Variants in MEGF11 observed in about 807,000 individuals in gnomAD.
The protein encoded by MEGF11 is multiple EGF like domains 11.
Under a neutral mutation model 146.6 loss-of-function variants are expected in MEGF11, and 126 were observed. The ratio of observed to expected loss-of-function variants is 0.86; its 90% CI spans 0.74 to 1.00. The LOEUF is 1.00. MEGF11 is among the 50% of genes least tolerant of loss of function. MEGF11 has a pLI of 0.00. For missense variants in MEGF11, 1,509 were observed against 1,521.2 expected, an observed-to-expected ratio of 0.99 and a Z score of 0.13; for synonymous variants, 532 against 583.4, an observed-to-expected ratio of 0.91 and a Z score of 1.27.
chr15:65,991,980 G>A (rs999947745), intron 5 of MEGF11, among the ~76,000 whole-genome samples: 2 of 152,220 alleles, frequency 1.3e-5, no homozygotes, highest in African/African-American at 2.4e-5. Context: ...GTCAGAACAC[G>A]GGGTGATGAG....
intron 1 of MEGF11, among the ~76,000 whole-genome samples, chr15:66,249,407 C>A (rs1231402773): frequency 3.3e-5 from 5 of 152,180 alleles, no homozygotes; most frequent in African/African-American, 1.2e-4. Context: ...GTGGATGACA[C>A]CTTTTCAATT....
intron 1 of MEGF11, among the ~76,000 whole-genome samples, chr15:66,129,741 C>G (rs1249815687): frequency 1.3e-5 from 2 of 152,176 alleles, no homozygotes; most frequent in Non-Finnish European, 2.9e-5. Flanking sequence ...TCTGAAAGGT[C>G]AAACACTCTC....
intron 1 of MEGF11, among the ~76,000 whole-genome samples, chr15:66,145,752 T>G (rs566838490): frequency 6.6e-6 from 1 of 152,338 alleles, no homozygotes; most frequent in South Asian, 2.1e-4. Context: ...AAATGTGCTC[T>G]GGAGTCAGAG....
At chr15:66,242,777 A>G (rs1160335528) in intron 1 of MEGF11, among the ~76,000 whole-genome samples, 1 of 152,076 alleles carries the variant, frequency 6.6e-6, no homozygotes, top group Non-Finnish European at 1.5e-5. Context: ...TTCCTTGGAG[A>G]TACTTCAGCC....
rs144879172 is a variant in MEGF11 at position 66,152,278 on chromosome 15, G to A, written c.-8-23867C>T. Among the ~76,000 whole-genome samples, 143 of 152,218 alleles carry A rather than the reference G, an allele frequency of 9.4e-4. 1 individual carries two copies. The highest frequency in any genetic ancestry group is 3.3e-3 in the African/African-American group (135 of 41,536). ...TCAATGCATCCCTAGTGCCCTCAGA[G>A]GGTAGGAAGGGCAAGAAAGAGGGTC... On this transcript the variant is annotated intron_variant, in intron 1 of 25. Coordinates refer to ENST00000395614, the MANE Select transcript of MEGF11 (RefSeq NM_001385028.1).
intron 1 of MEGF11, among the ~76,000 whole-genome samples, chr15:66,153,937 C>T (rs2089657174): frequency 6.6e-6 from 1 of 152,228 alleles, no homozygotes; most frequent in South Asian, 2.1e-4. Flanking sequence ...CCCTCATCCC[C>T]CCACTGGCTG....
At chr15:66,209,382 A>T (rs2091386884) in intron 1 of MEGF11, among the ~76,000 whole-genome samples, 1 of 152,152 alleles carries the variant, frequency 6.6e-6, no homozygotes, top group Admixed American at 6.6e-5. Context: ...TAAACACGCA[A>T]GTACCATATG....
chr15:66,147,841 T>C (rs2089431186), intron 1 of MEGF11, among the ~76,000 whole-genome samples: 1 of 152,102 alleles, frequency 6.6e-6, no homozygotes. Context: ...CTGGCCAGAG[T>C]TGTGTTTTCA....
At chr15:66,205,285 T>G (rs2140106513) in intron 1 of MEGF11, among the ~76,000 whole-genome samples, 1 of 152,042 alleles carries the variant, frequency 6.6e-6, no homozygotes, top group South Asian at 2.1e-4. Flanking sequence ...TATAAAAAAT[T>G]TAAAAACTTA....
intron 16 of MEGF11, 75 bp downstream of exon 16, chr15:65,917,891 G>C: frequency 6.3e-7 from 1 of 1,588,532 alleles, no homozygotes; most frequent in Non-Finnish European, 8.6e-7. Flanking sequence ...CCAGGACAGA[G>C]AGGTTTTGGG....
At position 65,964,898 on chromosome 15, in the gene MEGF11, C is replaced by CA. The variant is rs3840018; in HGVS notation, c.1112+9dup. On this transcript the variant is annotated intron_variant, in intron 9 of 25. Coordinates refer to ENST00000395614, the MANE Select transcript of MEGF11 (RefSeq NM_001385028.1). Reference sequence around the variant, plus strand: ...CCCTTGTCCCGGGCTCGCCCATTCCCAGCTCATACCTGATGGTGTTGTCAG... The same window carrying CA: ...CCCTTGTCCCGGGCTCGCCCATTCCCAAGCTCATACCTGATGGTGTTGTCAG... 1,024,136 of 1,540,422 alleles carry CA rather than the reference C, an allele frequency of 0.66. 343,548 individuals are homozygous for CA. The highest frequency in any genetic ancestry group is 0.72 in the African/African-American group (52,972 of 73,284).
chr15:65,992,437 C>CTG lies in MEGF11; in HGVS notation c.395-9951_395-9950dup, dbSNP rs550236188. 7.4e-3 allele frequency among the ~76,000 whole-genome samples: 561 copies of CTG among 76,222 alleles called. 5 individuals carry two copies. The highest frequency in any genetic ancestry group is 0.025 in the Middle Eastern group (4 of 160). 50.0% of individuals were successfully genotyped at this position (76,222 alleles called of 152,430 possible). A position where few individuals can be genotyped will look rare whatever the true frequency, so the allele number is the denominator to read the frequency against. ...AATGCAAACAACCCCGTTTGTGCCT[C>CTG]TGTGTGTGTGTGTGGGGGGGGGGGT... On this transcript the variant is annotated intron_variant, in intron 5 of 25. Transcript: ENST00000395614.
intron 22 of MEGF11, 116 bp from the exon 23 acceptor site, chr15:65,909,251 T>G: frequency 1.3e-6 from 1 of 749,540 alleles, no homozygotes; most frequent in Non-Finnish European, 2.3e-6. Flanking sequence ...CTGGGAGGAC[T>G]TGGGGGCCTC....
chr15:65,971,283 G>A (rs553115346), intron 7 of MEGF11: 2 of 153,400 alleles, frequency 1.3e-5, no homozygotes, highest in South Asian at 2.1e-4. Context: ...CCTGCAAAGG[G>A]AGCGTCACAA....
intron 1 of MEGF11, among the ~76,000 whole-genome samples, chr15:66,147,480 CTT>C (rs1475827009): frequency 6.6e-6 from 1 of 152,230 alleles, no homozygotes; most frequent in Admixed American, 6.5e-5. Flanking sequence ...GGTCTCCTCC[CTT>C]TGGAGACCTA....
chr15:66,064,735 G>T (rs2140431093), intron 5 of MEGF11, among the ~76,000 whole-genome samples: 1 of 151,850 alleles, frequency 6.6e-6, no homozygotes, highest in South Asian at 2.1e-4. Context: ...CTCCATGTTG[G>T]TCAGGCTGGT....
intron 4 of MEGF11, among the ~76,000 whole-genome samples, chr15:66,109,875 C>T (rs567363181): frequency 4.2e-4 from 64 of 152,318 alleles, no homozygotes; most frequent in African/African-American, 1.5e-3. Context: ...AGTGGTTTAT[C>T]AGTACTCAGG....
intron 5 of MEGF11, among the ~76,000 whole-genome samples, chr15:65,995,090 A>G (rs990736183): frequency 3.9e-5 from 6 of 152,124 alleles, no homozygotes; most frequent in African/African-American, 1.4e-4. Flanking sequence ...TTGATCTGGG[A>G]TCTTGAAGGA....
chr15:66,109,867 T>C (rs548835689), intron 4 of MEGF11, among the ~76,000 whole-genome samples: 30 of 152,306 alleles, frequency 2.0e-4, no homozygotes, highest in African/African-American at 6.7e-4. Context: ...CTAAATTCAG[T>C]GGTTTATCAG....
Sources: gnomAD v4.1 joint callset for allele counts (sites outside exome capture counted in the v4.1 genomes callset) on GRCh38, gnomAD v4.1.1 for gene constraint, MANE v1.5 for transcripts, NCBI Gene and HGNC (gene_info 2026-07-23, HGNC 2026-07-21) for gene names.